Variants in MITF observed in about 807,000 individuals in gnomAD.
MITF encodes microphthalmia-associated transcription factor.
In MITF, 17 loss-of-function variants were observed where a neutral mutation model predicts 60.5. That is an observed-to-expected ratio of 0.28 (90% CI 0.19 to 0.42). The LOEUF (loss-of-function observed/expected upper bound fraction) is 0.42, where lower values mean the gene tolerates loss of function less well. Ranked by LOEUF, MITF falls within the 10% of genes least tolerant of loss-of-function variation. The pLI is 1.00. For missense variants in MITF, 622 were observed against 683.5 expected (o/e 0.91, Z 1.00); for synonymous variants, 260 against 248.5 (o/e 1.05, Z -0.43).
In MITF at chr3:69,922,787, ATTGT is replaced by A. The variant is rs1406755816; in HGVS notation, c.355-15027_355-15024del. On this transcript the variant is annotated intron_variant, in intron 2 of 9. Transcript: ENST00000352241. ...CAAAAATTGCCATTGAGTCTGGAAG[ATTGT>A]TTGTTTGCTGACTGACCAGCCCCCT... Among the ~76,000 whole-genome samples the A allele has an allele frequency of 1.3e-4, 20 of 152,338 alleles. No homozygotes were observed. In the East Asian group the frequency reaches 1.5e-3, roughly 12 times the overall value.
At chr3:69,835,703 A>G (rs889622877) in intron 1 of MITF, among the ~76,000 whole-genome samples, 2 of 151,958 alleles carry the variant, frequency 1.3e-5, no homozygotes, top group African/African-American at 4.8e-5. Flanking sequence ...TGAATATCTG[A>G]TTTTCTCAGC....
intron 1 of MITF, among the ~76,000 whole-genome samples, chr3:69,860,223 G>T (rs1431839248): frequency 1.3e-5 from 2 of 152,204 alleles, no homozygotes; most frequent in East Asian, 3.9e-4. Flanking sequence ...ATATCAAAGA[G>T]TTTAAGGTAA....
chr3:69,789,119 A>G (rs1450425733), intron 1 of MITF, among the ~76,000 whole-genome samples: 1 of 152,240 alleles, frequency 6.6e-6, no homozygotes, highest in African/African-American at 2.4e-5. Context: ...GCTAGAAAAA[A>G]AAAGAAAACA....
intron 1 of MITF, among the ~76,000 whole-genome samples, chr3:69,751,084 C>G (rs1389809988): frequency 6.6e-6 from 1 of 152,154 alleles, no homozygotes; most frequent in African/African-American, 2.4e-5. Flanking sequence ...GTATTTTAAT[C>G]TACACTCTAA....
chr3:69,813,403 C>T (rs2063131593), intron 1 of MITF, among the ~76,000 whole-genome samples: 1 of 152,184 alleles, frequency 6.6e-6, no homozygotes, highest in Admixed American at 6.5e-5. Context: ...AATATCATTC[C>T]CTTTCTCAGA....
At chr3:69,875,263 A>G (rs1301036133) in intron 1 of MITF, among the ~76,000 whole-genome samples, 1 of 152,174 alleles carries the variant, frequency 6.6e-6, no homozygotes, top group Non-Finnish European at 1.5e-5. Context: ...GATACATGCC[A>G]GTAAAGGCAT....
intron 1 of MITF, among the ~76,000 whole-genome samples, chr3:69,761,109 C>T (rs2062204616): frequency 1.3e-5 from 2 of 151,968 alleles, no homozygotes; most frequent in African/African-American, 4.8e-5. Context: ...AGTGCTTTAG[C>T]CTATCTTTTA....
intron 2 of MITF, among the ~76,000 whole-genome samples, chr3:69,885,831 T>A (rs2064602057): frequency 6.6e-6 from 1 of 152,102 alleles, no homozygotes; most frequent in Admixed American, 6.6e-5. Context: ...CTCCTATAGA[T>A]GTGATGCCTA....
chr3:69,883,253 G>T (rs1271232098), intron 2 of MITF, among the ~76,000 whole-genome samples: 3 of 152,134 alleles, frequency 2.0e-5, no homozygotes, highest in Non-Finnish European at 4.4e-5. Context: ...GATGATGCTT[G>T]CTGTTTGTCA....
chr3:69,887,885 C>T (rs1008054526), intron 2 of MITF, among the ~76,000 whole-genome samples: 1 of 151,884 alleles, frequency 6.6e-6, no homozygotes, highest in Non-Finnish European at 1.5e-5. Flanking sequence ...TTGAGTCACC[C>T]ACAACTTTTT....
intron 1 of MITF, among the ~76,000 whole-genome samples, 184 bp downstream of exon 1, chr3:69,739,885 T>G (rs1465209966): frequency 6.6e-6 from 1 of 151,940 alleles, no homozygotes; most frequent in Admixed American, 6.5e-5. Flanking sequence ...AGTGCGCCTT[T>G]AGGAAGCTCG....
intron 9 of MITF, among the ~76,000 whole-genome samples, chr3:69,962,768 G>T (rs1164311545): frequency 6.6e-6 from 1 of 152,090 alleles, no homozygotes; most frequent in Admixed American, 6.5e-5. Flanking sequence ...GAGCTTGCTT[G>T]GAAGGCATTT....
chr3:69,813,717 A>T (rs933611182), intron 1 of MITF, among the ~76,000 whole-genome samples: 4 of 152,256 alleles, frequency 2.6e-5, no homozygotes, highest in African/African-American at 9.6e-5. Context: ...TGACAAATTG[A>T]TTAGCATTTA....
At chr3:69,751,562 T>C (rs886820734) in intron 1 of MITF, among the ~76,000 whole-genome samples, 2 of 151,856 alleles carry the variant, frequency 1.3e-5, no homozygotes, top group African/African-American at 4.8e-5. Flanking sequence ...GATTTTTTTT[T>C]TTTTTTTTTT....
chr3:69,805,027 CAT>C (rs1233013984), intron 1 of MITF, among the ~76,000 whole-genome samples: 1 of 152,176 alleles, frequency 6.6e-6, no homozygotes, highest in East Asian at 1.9e-4. Flanking sequence ...ATTGTGGAGA[CAT>C]GTTATAGGAA....
intron 1 of MITF, among the ~76,000 whole-genome samples, chr3:69,811,436 G>A (rs537250870): frequency 2.4e-4 from 37 of 152,306 alleles, no homozygotes; most frequent in African/African-American, 7.7e-4. Context: ...ATCAATCACT[G>A]TACCACAAAG....
intron 2 of MITF, among the ~76,000 whole-genome samples, chr3:69,935,521 TA>T (rs377033280): frequency 2.2e-4 from 33 of 149,976 alleles, no homozygotes; most frequent in South Asian, 1.1e-3. Context: ...GGACCCTTTA[TA>T]AAAAAAAAAT....
chr3:69,752,607 G>A (rs992027095), intron 1 of MITF, among the ~76,000 whole-genome samples: 1 of 152,196 alleles, frequency 6.6e-6, no homozygotes, highest in Non-Finnish European at 1.5e-5. Context: ...TCAAGATGTA[G>A]CCTGGCTGCT....
chr3:69,826,418 A>G (rs2063355666), intron 1 of MITF, among the ~76,000 whole-genome samples: 1 of 152,192 alleles, frequency 6.6e-6, no homozygotes. Flanking sequence ...ATTTCCATAT[A>G]GTATTTCATT....
Sources: gnomAD v4.1 joint callset for allele counts (sites outside exome capture counted in the v4.1 genomes callset) on GRCh38, gnomAD v4.1.1 for gene constraint, MANE v1.5 for transcripts, NCBI Gene and HGNC (gene_info 2026-07-23, HGNC 2026-07-21) for gene names.